The following RBM46 variants were observed in gnomAD, a reference collection of about 807,000 sequenced individuals.
The protein encoded by RBM46 is RNA binding motif protein 46.
Under a neutral mutation model 43.3 loss-of-function variants are expected in RBM46, and 12 were observed. The ratio of observed to expected loss-of-function variants is 0.28; its 90% confidence interval spans 0.18 to 0.45. The LOEUF (loss-of-function observed/expected upper bound fraction) is 0.45. RBM46 is among the 20% of genes least tolerant of loss of function. The pLI is 1.00. For missense variants in RBM46, 412 were observed against 639.1 expected (o/e 0.64, Z 3.83); for synonymous variants, 205 against 207.6 (o/e 0.99, Z 0.11).
rs562872912 is a variant in RBM46, at chr4:154,808,915, C to A, written c.1402+9351C>A. Among the ~76,000 whole-genome samples the A allele has an allele frequency of 2.0e-5, 3 of 152,060 alleles. No homozygotes were observed. In the South Asian group the frequency reaches 6.2e-4, roughly 32 times the overall value. ...AGAACATTGAAACATTATTTCTTTT[C>A]ACTTAAGAATTAAAGGGAAAGAGGC... is the stretch of plus-strand genomic sequence containing the variant. On this transcript the variant is annotated intron_variant, in intron 4 of 4. Transcript: ENST00000281722.
intron 4 of RBM46, among the ~76,000 whole-genome samples, chr4:154,819,904 T>A (rs1735646175): frequency 6.6e-6 from 1 of 152,110 alleles, no homozygotes; most frequent in Admixed American, 6.6e-5. Context: ...AGTATTATTT[T>A]GGCCATCTAT....
chr4:154,808,083 G>C (rs1734993749), intron 4 of RBM46, among the ~76,000 whole-genome samples: 1 of 151,892 alleles, frequency 6.6e-6, no homozygotes. Context: ...GGATTAAAAA[G>C]TATATAAGAG....
At chr4:154,824,653 GTGGATTCT>G (rs1157976229) in intron 4 of RBM46, among the ~76,000 whole-genome samples, 4 of 152,022 alleles carry the variant, frequency 2.6e-5, no homozygotes, top group Non-Finnish European at 5.9e-5. Flanking sequence ...AGATATGTCA[GTGGATTCT>G]CTTTGTGAAT....
intron 4 of RBM46, among the ~76,000 whole-genome samples, chr4:154,824,652 A>G (rs909314302): frequency 2.6e-5 from 4 of 152,102 alleles, no homozygotes; most frequent in African/African-American, 7.2e-5. Flanking sequence ...AAGATATGTC[A>G]GTGGATTCTC....
rs750365618 is a variant in RBM46, at chr4:154,796,917, T to C, written c.151+14T>C. The C allele has an allele frequency of 2.1e-4, 340 of 1,605,596 alleles. No individual in the cohort carries two copies. Among genetic ancestry groups the C allele is most frequent in the Non-Finnish European group, 2.8e-4 (332 of 1,176,824 alleles). The stretch of plus-strand genomic sequence containing the variant: ...GTCCTCCTCCAGGTGTGGATTTGTT[T>C]ACAGTCTTTTAAATTTAATCTTTAA... On this transcript the variant is annotated intron_variant, in intron 2 of 4. Transcript: ENST00000281722.
intron 1 of RBM46, among the ~76,000 whole-genome samples, chr4:154,792,801 G>T (rs1236356760): frequency 6.6e-6 from 1 of 152,204 alleles, no homozygotes; most frequent in African/African-American, 2.4e-5. Context: ...AAATAGGTCA[G>T]CATTGTTGTT....
At chr4:154,795,353 C>A (rs1734298444) in intron 1 of RBM46, among the ~76,000 whole-genome samples, 1 of 151,978 alleles carries the variant, frequency 6.6e-6, no homozygotes, top group African/African-American at 2.4e-5. Context: ...ACCATGCTGT[C>A]CTTTTTATTT....
At chr4:154,822,690 GA>G (rs1474576395) in intron 4 of RBM46, among the ~76,000 whole-genome samples, 5 of 151,368 alleles carry the variant, frequency 3.3e-5, no homozygotes, top group African/African-American at 1.2e-4. Context: ...GTACAATGAG[GA>G]TTTTTTTTAA....
chr4:154,794,433 G>A (rs1364080933), intron 1 of RBM46, among the ~76,000 whole-genome samples: 1 of 151,992 alleles, frequency 6.6e-6, no homozygotes, highest in African/African-American at 2.4e-5. Context: ...GCCTGCCTCG[G>A]CCTCCCAAAG....
intron 4 of RBM46, among the ~76,000 whole-genome samples, chr4:154,801,187 C>A (rs1351212045): frequency 6.6e-6 from 1 of 152,050 alleles, no homozygotes; most frequent in Non-Finnish European, 1.5e-5. Flanking sequence ...CGACGTTGGC[C>A]AGGCTGGTCT....
At chr4:154,787,975 A>G (rs1298706925) in intron 1 of RBM46, among the ~76,000 whole-genome samples, 3 of 152,172 alleles carry the variant, frequency 2.0e-5, no homozygotes, top group Admixed American at 1.3e-4. Flanking sequence ...GGCTGCATAA[A>G]TGTCTTCTTT....
chr4:154,797,719 A>C, intron 2 of RBM46, 92 bp from the exon 3 acceptor site: 1 of 847,982 alleles, frequency 1.2e-6, no homozygotes, highest in Admixed American at 2.9e-5. Context: ...AGTGGCACAT[A>C]GCACAGCAAA....
chr4:154,808,166 T>C (rs1017478555), intron 4 of RBM46, among the ~76,000 whole-genome samples: 8 of 152,046 alleles, frequency 5.3e-5, no homozygotes, highest in Non-Finnish European at 1.2e-4. Context: ...ACTTTGTTAC[T>C]ATTCTTGTGT....
intron 4 of RBM46, among the ~76,000 whole-genome samples, chr4:154,821,162 CAAAG>C (rs1268939555): frequency 6.6e-6 from 1 of 151,706 alleles, no homozygotes; most frequent in Non-Finnish European, 1.5e-5. Context: ...TTCTCAGACT[CAAAG>C]AGAAATGCTT....
At chr4:154,820,272 T>C in intron 4 of RBM46, 1 of 757,708 alleles carries the variant, frequency 1.3e-6, no homozygotes, top group Non-Finnish European at 2.0e-6. Flanking sequence ...AAAAGGTTTT[T>C]AACTAAAGTT....
At chr4:154,810,656 C>G (rs1469800469) in intron 4 of RBM46, among the ~76,000 whole-genome samples, 4 of 152,076 alleles carry the variant, frequency 2.6e-5, no homozygotes, top group African/African-American at 9.7e-5. Flanking sequence ...AAAATTCTCT[C>G]AGTACAAAAC....
chr4:154,798,696 C>T (rs779465677), intron 3 of RBM46, 86 bp from the exon 4 acceptor site: 42 of 1,074,968 alleles, frequency 3.9e-5, no homozygotes, highest in Non-Finnish European at 4.9e-5. Context: ...TGAGTTTCTG[C>T]TTCTCTGGGG....
At chr4:154,805,353 C>T (rs749264614) in intron 4 of RBM46, among the ~76,000 whole-genome samples, 12 of 151,946 alleles carry the variant, frequency 7.9e-5, no homozygotes, top group Non-Finnish European at 1.0e-4. Context: ...AATATTCATT[C>T]TTACAATATC....
At chr4:154,810,061 A>G (rs996819622) in intron 4 of RBM46, among the ~76,000 whole-genome samples, 8 of 152,104 alleles carry the variant, frequency 5.3e-5, no homozygotes, top group Non-Finnish European at 7.4e-5. Context: ...GTAATTTCCT[A>G]TTTCTAAACC....
Sources: gnomAD v4.1 joint callset for allele counts (sites outside exome capture counted in the v4.1 genomes callset) on GRCh38, gnomAD v4.1.1 for gene constraint, MANE v1.5 for transcripts, NCBI Gene and HGNC (gene_info 2026-07-23, HGNC 2026-07-21) for gene names.